The following BCL9 variants were observed in gnomAD, a reference collection of about 807,000 sequenced individuals.
BCL9 encodes the protein B-cell CLL/lymphoma 9 protein.
A neutral mutation model predicts 88.5 loss-of-function variants in BCL9; 25 were observed. That is an observed-to-expected ratio of 0.28 (90% CI 0.21 to 0.39). The LOEUF is 0.39. BCL9 is among the 10% of genes least tolerant of loss of function. BCL9 has a pLI of 1.00. For synonymous variants in BCL9, 711 were observed against 673.3 expected, an observed-to-expected ratio of 1.06 and a Z score of -0.87; for missense variants, 1,817 against 1,877.8, an observed-to-expected ratio of 0.97 and a Z score of 0.60.
chr1:147,550,293 T>G (rs1240625933), intron 1 of BCL9, among the ~76,000 whole-genome samples: 3 of 152,166 alleles, frequency 2.0e-5, no homozygotes, highest in African/African-American at 7.2e-5. Flanking sequence ...AAGGGCCATC[T>G]TCCCTTCCAC....
rs139858510 is a variant in BCL9, at chr1:147,623,896, C to T, written c.3218C>T (p.Pro1073Leu). 7.5e-5 allele frequency: 121 copies of T among 1,614,016 alleles called. No homozygotes were observed. Among genetic ancestry groups the T allele is most frequent in the African/African-American group, 1.3e-4 (10 of 74,890 alleles). ...ATTTCAGGTCCAAACCCCGTGGTTCCGATGCCAACCCTCAGCCCAATGGGA... is the reference window on the plus strand; with the variant it reads ...ATTTCAGGTCCAAACCCCGTGGTTCTGATGCCAACCCTCAGCCCAATGGGA... Reference protein sequence around the residue: ...PRISGPNPVVPMPTLSPMGMT... With the variant: ...PRISGPNPVVLMPTLSPMGMT... Residue 1073 changes from proline to leucine, a missense_variant, in exon 10 of 10, where the codon CCG (proline) becomes CTG (leucine). Coordinates refer to ENST00000234739, the MANE Select transcript of BCL9 (RefSeq NM_004326.4).
intron 1 of BCL9, among the ~76,000 whole-genome samples, chr1:147,563,263 G>T (rs1277752024): frequency 1.3e-5 from 2 of 152,124 alleles, no homozygotes; most frequent in Non-Finnish European, 1.5e-5. Context: ...TGTTTACTTT[G>T]TTTATGTCGG....
In BCL9 at chr1:147,611,683, A is replaced by C. The variant is rs1658009713; in HGVS notation, c.-154A>C. 1.5e-6 allele frequency: 1 copy of C among 657,298 alleles called. No homozygotes were observed. Among genetic ancestry groups the C allele is most frequent in the Non-Finnish European group, 2.7e-6 (1 of 370,106 alleles). The allele number at this position is 657,298 out of a possible 1,614,324, so 40.7% of individuals were successfully genotyped here. On this transcript the variant is annotated 5_prime_UTR_variant, in exon 4 of 10. Transcript: ENST00000234739. ...CCCACTTCCACAGCAGAGAAAAACA[A>C]AGAGGAAAAAGGCATACAGGCAGCG...
rs970316576 is a variant in BCL9, at chr1:147,604,358, A to G, written c.-477-419A>G. ...ATTATCTCATGGCCACTTGCATTTTAGGTTTTGCAGTATTTTTTAGCATCT... is the reference window on the plus strand; with the variant it reads ...ATTATCTCATGGCCACTTGCATTTTGGGTTTTGCAGTATTTTTTAGCATCT... On this transcript the variant is annotated intron_variant, in intron 1 of 9. Transcript: ENST00000234739. 2.6e-5 allele frequency among the ~76,000 whole-genome samples: 4 copies of G among 152,196 alleles called. No individual in the cohort carries two copies. In the East Asian group the frequency reaches 7.7e-4, roughly 29 times the overall value.
At chr1:147,563,272 G>A (rs782056614) in intron 1 of BCL9, among the ~76,000 whole-genome samples, 4 of 151,950 alleles carry the variant, frequency 2.6e-5, no homozygotes, top group Admixed American at 6.6e-5. Flanking sequence ...TGTTTATGTC[G>A]GCTCCTCTTC....
At chr1:147,608,350 T>A (rs1251336591) in intron 3 of BCL9, among the ~76,000 whole-genome samples, 1 of 149,118 alleles carries the variant, frequency 6.7e-6, no homozygotes, top group African/African-American at 2.5e-5. Flanking sequence ...TTTTTTTTTT[T>A]AGCACGGAAA....
chr1:147,615,973 A>G, intron 7 of BCL9, 71 bp downstream of exon 7: 1 of 1,427,766 alleles, frequency 7.0e-7, no homozygotes, highest in Non-Finnish European at 9.7e-7. Context: ...GAGGTGGTGA[A>G]TTTAATTGAT....
intron 1 of BCL9, among the ~76,000 whole-genome samples, chr1:147,581,792 A>G (rs187225649): frequency 6.6e-6 from 1 of 152,102 alleles, no homozygotes; most frequent in East Asian, 1.9e-4. Flanking sequence ...CTATTGCCTG[A>G]GTCTGTTTTT....
At chr1:147,615,139 C>A in intron 6 of BCL9, among the ~76,000 whole-genome samples, 1 of 152,146 alleles carries the variant, frequency 6.6e-6, no homozygotes, top group Non-Finnish European at 1.5e-5. Context: ...CCGCGCCTGG[C>A]CATATATACC....
rs369438131 is a variant in BCL9, at chr1:147,613,213, A to T, written c.370+14A>T. ...CTGACATTAAAGGTATGTCTATAAG[A>T]TCTTTGAGACTCAGAGGGAAGTAGG... On this transcript the variant is annotated intron_variant, in intron 5 of 9. Transcript: ENST00000234739. 122 of 1,613,604 alleles carry T rather than the reference A, an allele frequency of 7.6e-5. No homozygotes were observed. Among genetic ancestry groups the T allele is most frequent in the Admixed American group, 1.2e-4 (7 of 59,994 alleles).
Position 147,614,508 on chromosome 1 carries a change from C to T in BCL9, c.452C>T (p.Pro151Leu), listed in dbSNP as rs200073295. The T allele has an allele frequency of 6.2e-7, 1 of 1,614,070 alleles. No homozygotes were observed. The highest frequency in any genetic ancestry group is 1.7e-5 in the Admixed American group (1 of 60,014). The change falls in exon 6 of 10, where the codon CCC becomes CTC. Residue 151 changes from proline (P) to leucine (L), a missense_variant. By Grantham distance (98) the Pro-to-Leu change is moderately conservative (BLOSUM62 -3). Around this residue, in one of 2 missense-constraint regions of BCL9, gnomAD observed 1,228 missense variants for 1,191.6 expected, o/e 1.03. Transcript: ENST00000234739. ...HSMTPSNATA[P>L]RSSTPSHGQT... ...ATGACCCCATCAAATGCTACAGCCC[C>T]CAGGTCTTCTACCCCCTCCCATGGC...
At chr1:147,614,637 T>C (rs782668352) in intron 6 of BCL9, 21 bp downstream of exon 6, 7 of 1,594,152 alleles carry the variant, frequency 4.4e-6, no homozygotes, top group African/African-American at 1.3e-5. Flanking sequence ...GGCTGTGTCT[T>C]GCTGTTGGGC....
chr1:147,571,863 C>T (rs1655900444), intron 1 of BCL9, among the ~76,000 whole-genome samples: 1 of 152,184 alleles, frequency 6.6e-6, no homozygotes, highest in Non-Finnish European at 1.5e-5. Context: ...ACTCCTGTAC[C>T]AGAACCCAGG....
chr1:147,605,761 G>C (rs1199815112), intron 2 of BCL9, among the ~76,000 whole-genome samples: 1 of 152,150 alleles, frequency 6.6e-6, no homozygotes, highest in Non-Finnish European at 1.5e-5. Context: ...AGTTAAGAAT[G>C]AGCTAGGAAT....
At chr1:147,560,134 A>G (rs1003013058) in intron 1 of BCL9, among the ~76,000 whole-genome samples, 4 of 152,212 alleles carry the variant, frequency 2.6e-5, no homozygotes, top group Admixed American at 2.0e-4. Context: ...CACAACTGCT[A>G]TCAAGCTTGT....
In BCL9 at chr1:147,555,593, T is replaced by A. The variant is rs587660727; in HGVS notation, c.-478+13919T>A. 7.9e-5 allele frequency among the ~76,000 whole-genome samples: 12 copies of A among 152,366 alleles called. No homozygotes were observed. In the South Asian group the frequency reaches 2.3e-3, roughly 29 times the overall value. On this transcript the variant is annotated intron_variant, in intron 1 of 9. Coordinates refer to ENST00000234739, the MANE Select transcript of BCL9 (RefSeq NM_004326.4). ...CTTTTATTTTAATTTAAAACATGCC[T>A]CAGGTTTTTGATGTTGGGCCAAGGC...
intron 1 of BCL9, among the ~76,000 whole-genome samples, chr1:147,599,425 A>G (rs2101586023): frequency 6.6e-6 from 1 of 152,184 alleles, no homozygotes; most frequent in Non-Finnish European, 1.5e-5. Context: ...CGGCTCTTCA[A>G]TTCGTTTCTG....
rs1452840567 is a variant in BCL9 at position 147,620,607 on chromosome 1, C to T, written c.2452C>T (p.Pro818Ser). The change falls in exon 8 of 10, where the codon CCA becomes TCA. Residue 818 changes from proline (P) to serine (S), a missense_variant. Pro to Ser is a moderately conservative substitution (Grantham distance 74). Coordinates refer to ENST00000234739, the MANE Select transcript of BCL9 (RefSeq NM_004326.4). ...QRTNSRLSHM[P>S]PLPLNPSSNP... ...GACTAACAGCCGGCTCAGTCATATG[C>T]CACCACTACCTCTCAACCCTTCCAG... 6.2e-7 allele frequency: 1 copy of T among 1,614,184 alleles called. No homozygotes were observed. Among genetic ancestry groups the T allele is most frequent in the South Asian group, 1.1e-5 (1 of 91,082 alleles).
At chr1:147,604,169 T>A (rs1452610321) in intron 1 of BCL9, among the ~76,000 whole-genome samples, 1 of 152,174 alleles carries the variant, frequency 6.6e-6, no homozygotes, top group Non-Finnish European at 1.5e-5. Context: ...TTGAAGGCCA[T>A]GCAAATTTTT....
Sources: gnomAD v4.1 joint callset for allele counts (sites outside exome capture counted in the v4.1 genomes callset) on GRCh38, gnomAD v4.1.1 for gene constraint, gnomAD v4.1.1 regional missense constraint, MANE v1.5 for transcripts, NCBI Gene and HGNC (gene_info 2026-07-23, HGNC 2026-07-21) for gene names.